LRP8: variants seen among roughly 807,000 people sequenced by gnomAD.
LRP8 encodes low-density lipoprotein receptor-related protein 8.
LRP8 carries 46 observed loss-of-function variants against 111.6 expected under a neutral mutation model. The ratio of observed to expected loss-of-function variants is 0.41; its 90% CI spans 0.33 to 0.53. The LOEUF (loss-of-function observed/expected upper bound fraction) is 0.53, where lower values mean the gene tolerates loss of function less well. Ranked by LOEUF, LRP8 falls within the 20% of genes least tolerant of loss-of-function variation. LRP8 has a pLI of 0.20. For synonymous variants in LRP8, 464 were observed against 511.2 expected (o/e 0.91, Z 1.24); for missense variants, 959 against 1,297.4 (o/e 0.74, Z 4.01).
chr1:53,326,815 G>T, intron 2 of LRP8, 58 bp downstream of exon 2: 1 of 1,559,886 alleles, frequency 6.4e-7, no homozygotes, highest in Non-Finnish European at 8.7e-7. Context: ...GCCAAGCATG[G>T]TGCCCCCCAC....
intron 3 of LRP8, among the ~76,000 whole-genome samples, chr1:53,285,436 T>C (rs892359897): frequency 6.6e-6 from 1 of 152,192 alleles, no homozygotes; most frequent in African/African-American, 2.4e-5. Flanking sequence ...GCCTGGGTTT[T>C]AGAGTCAGAC....
At position 53,250,367 on chromosome 1, in the gene LRP8, G is replaced by A. The variant is rs1465222594; in HGVS notation, c.2676+323C>T. On this transcript the variant is annotated intron_variant, in intron 17 of 18. Coordinates refer to ENST00000306052, the MANE Select transcript of LRP8 (RefSeq NM_004631.5). The surrounding 1 kb of genome is among the most constrained non-coding windows in gnomAD (Gnocchi z 4.6). ...AGGAAGAGCCTCTAGGTACAAGGTG[G>A]TCCTGATACCTTTTTACCTTAACCA... Among the ~76,000 whole-genome samples, 1 of 152,174 alleles carries A rather than the reference G, an allele frequency of 6.6e-6. No homozygotes were observed. Among genetic ancestry groups the A allele is most frequent in the East Asian group, 1.9e-4 (1 of 5,190 alleles).
chr1:53,242,855 A>ATG lies in LRP8; in HGVS notation c.*4162_*4163insCA, dbSNP rs1572401985. The ATG allele has an allele frequency of 9.7e-5, 13 of 133,684 alleles. No individual in the cohort carries two copies. The East Asian group carries it at 3.1e-3, about 32-fold the overall frequency. The allele number at this position is 133,684 out of a possible 1,614,324, so 8.3% of individuals were successfully genotyped here. A position where few individuals can be genotyped will look rare whatever the true frequency, so the allele number is the denominator to read the frequency against. ...GCTTTAAATATATATATATATATAT[A>ATG]TATACACACACACACACGTGGCTTT... On this transcript the variant is annotated 3_prime_UTR_variant, in exon 19 of 19. Transcript: ENST00000306052.
In LRP8 at chr1:53,317,051, C is replaced by A. The variant is rs1653903777; in HGVS notation, c.244+9822G>T. On this transcript the variant is annotated intron_variant, in intron 2 of 18. Transcript: ENST00000306052. This position sits in a 1 kb window ranked among gnomAD's most constrained non-coding sequence, Gnocchi z 4.9. ...TCACCTCCCTCCTGGTACACAGCCC[C>A]TCCTCTGAAGCACACACCCCAAGCA... is the stretch of plus-strand genomic sequence containing the variant. 6.6e-6 allele frequency among the ~76,000 whole-genome samples: 1 copy of A among 152,142 alleles called. No homozygotes were observed. Among genetic ancestry groups the A allele is most frequent in the Admixed American group, 6.5e-5 (1 of 15,282 alleles).
At chr1:53,248,847 G>C (rs1645805754) in intron 18 of LRP8, among the ~76,000 whole-genome samples, 1 of 152,214 alleles carries the variant, frequency 6.6e-6, no homozygotes, top group Non-Finnish European at 1.5e-5. Context: ...AAGTCACAAA[G>C]TGCTCTCACA....
Position 53,327,955 on chromosome 1 carries a change from G to A in LRP8, c.-43C>T. ...GGCCGCCGCGCCCCGCGCTCCCCGC[G>A]CCGCCGCCGCCGCGTCTCAGCCCTC... On this transcript the variant is annotated 5_prime_UTR_variant, in exon 1 of 19. Coordinates refer to ENST00000306052, the MANE Select transcript of LRP8 (RefSeq NM_004631.5). The A allele has an allele frequency of 9.6e-7, 1 of 1,041,568 alleles. No individual in the cohort carries two copies. Among genetic ancestry groups the A allele is most frequent in the Non-Finnish European group, 1.2e-6 (1 of 863,568 alleles). The allele number at this position is 1,041,568 out of a possible 1,614,324, so 64.5% of individuals were successfully genotyped here.
chr1:53,267,905 C>T (rs1258061523), intron 8 of LRP8: 1 of 152,304 alleles, frequency 6.6e-6, no homozygotes, highest in Non-Finnish European at 1.5e-5. Flanking sequence ...CTCCCTGTGC[C>T]TCCTTCTCTT....
rs545156077 is a variant in LRP8 at position 53,317,573 on chromosome 1, T to C, written c.244+9300A>G. On this transcript the variant is annotated intron_variant, in intron 2 of 18. Transcript: ENST00000306052. The surrounding 1 kb of genome is among the most constrained non-coding windows in gnomAD (Gnocchi z 4.9). Reference sequence around the variant, plus strand: ...TGCTGCTGCCCTCTTGTTGTGTCCTTGGTGGAGGAGGAGGAAAGCTGAGGA... The same window carrying C: ...TGCTGCTGCCCTCTTGTTGTGTCCTCGGTGGAGGAGGAGGAAAGCTGAGGA... Among the ~76,000 whole-genome samples, 3 of 152,314 alleles carry C rather than the reference T, an allele frequency of 2.0e-5. No homozygotes were observed. The South Asian group carries it at 6.2e-4, about 32-fold the overall frequency.
chr1:53,306,995 C>T (rs1432735988), intron 2 of LRP8, among the ~76,000 whole-genome samples: 1 of 152,218 alleles, frequency 6.6e-6, no homozygotes, highest in Non-Finnish European at 1.5e-5. Flanking sequence ...GCCCAGCATT[C>T]TCCAGCAGCC....
chr1:53,264,175 A>G lies in LRP8; in HGVS notation c.1649T>C (p.Leu550Pro). The G allele has an allele frequency of 6.2e-7, 1 of 1,614,024 alleles. No homozygotes were observed. The highest frequency in any genetic ancestry group is 8.5e-7 in the Non-Finnish European group (1 of 1,179,946). ...SEPRAIAVDP[L>P]RGFMYWSDWG... ...GTTCAGTTGGGACACTCACCCTCGCAGGGGGTCAACAGCGATGGCCCGGGG... is the reference window on the plus strand; with the variant it reads ...GTTCAGTTGGGACACTCACCCTCGCGGGGGGTCAACAGCGATGGCCCGGGG... The change falls in exon 10 of 19, where the codon CTG becomes CCG. Residue 550 changes from leucine to proline, a missense_variant. Transcript: ENST00000306052.
At chr1:53,277,762 T>TG (rs1183621594) in intron 4 of LRP8, among the ~76,000 whole-genome samples, 1 of 152,192 alleles carries the variant, frequency 6.6e-6, no homozygotes, top group Non-Finnish European at 1.5e-5. Flanking sequence ...TTTCCCCGCT[T>TG]GGGAAATCTC....
chr1:53,285,946 A>C (rs1421748905), intron 3 of LRP8, among the ~76,000 whole-genome samples: 1 of 152,234 alleles, frequency 6.6e-6, no homozygotes, highest in East Asian at 1.9e-4. Flanking sequence ...CACGGCATTT[A>C]AAGGCATTTA....
Position 53,264,362 on chromosome 1 carries a change from G to C in LRP8, c.1462C>G (p.Gln488Glu). Residue 488 changes from glutamine (Q) to glutamate (E), a missense_variant, in exon 10 of 19, where the codon CAG (glutamine) becomes GAG (glutamate). Physicochemically the swap from Gln to Glu is conservative, Grantham distance 29 (BLOSUM62 2). Transcript: ENST00000306052. ...AACTGCTCGTCAATGAGGACCTCCTGCTCTTTCGGGTCACTGGCCTTGTCC... is the reference window on the plus strand; with the variant it reads ...AACTGCTCGTCAATGAGGACCTCCTCCTCTTTCGGGTCACTGGCCTTGTCC... The part of the protein sequence containing the change: ...YMDKASDPKE[Q>E]EVLIDEQLHS... 6.2e-7 allele frequency: 1 copy of C among 1,614,020 alleles called. No homozygotes were observed. The highest frequency in any genetic ancestry group is 8.5e-7 in the Non-Finnish European group (1 of 1,179,948).
At chr1:53,276,506 C>T (rs948873669) in intron 5 of LRP8, among the ~76,000 whole-genome samples, 186 bp downstream of exon 5, 1 of 152,114 alleles carries the variant, frequency 6.6e-6, no homozygotes, top group African/African-American at 2.4e-5. Context: ...ACCTGAGCTC[C>T]GCAGCCCGGC....
rs192579140 is a variant in LRP8, at chr1:53,279,932, C to A, written c.496+655G>T. Among the ~76,000 whole-genome samples the A allele has an allele frequency of 2.6e-5, 4 of 152,372 alleles. No individual in the cohort carries two copies. In the East Asian group the frequency reaches 7.7e-4, roughly 29 times the overall value. The stretch of plus-strand genomic sequence containing the variant: ...GAGGCCTGGCCATGCTCCCCAATGG[C>A]CCAGGCCCTGCTGGCCTGCTCCCTG... On this transcript the variant is annotated intron_variant, in intron 4 of 18. Transcript: ENST00000306052. The surrounding 1 kb of genome is among the most constrained non-coding windows in gnomAD (Gnocchi z 4.4).
chr1:53,247,877 G>A (rs11206127), intron 18 of LRP8, among the ~76,000 whole-genome samples: 58,479 of 152,004 alleles, frequency 0.38, 12,003 homozygotes, highest in East Asian at 0.7. Context: ...ACTTTCCCCA[G>A]CTAGTCCTGA....
rs1646882498 is a variant in LRP8 at position 53,275,277 on chromosome 1, G to C, written c.1006+354C>G. Among the ~76,000 whole-genome samples, 2 of 152,180 alleles carry C rather than the reference G, an allele frequency of 1.3e-5. No individual in the cohort carries two copies. Among genetic ancestry groups the C allele is most frequent in the African/African-American group, 2.4e-5 (1 of 41,434 alleles). On this transcript the variant is annotated intron_variant, in intron 6 of 18. Transcript: ENST00000306052. This position sits in a 1 kb window ranked among gnomAD's most constrained non-coding sequence, Gnocchi z 4.4. Reference sequence around the variant, plus strand: ...GGTGGTGACCAGAAGAACCATCTGAGAACTAAAGGGGCTCCCTGGGGAGCA... The same window carrying C: ...GGTGGTGACCAGAAGAACCATCTGACAACTAAAGGGGCTCCCTGGGGAGCA...
chr1:53,323,202 G>A (rs1288523), intron 2 of LRP8, among the ~76,000 whole-genome samples: 64,936 of 151,944 alleles, frequency 0.43, 15,372 homozygotes, highest in African/African-American at 0.64. Flanking sequence ...CTGGTCACCC[G>A]CATTCACACC....
rs543393346 is a variant in LRP8 at position 53,303,420 on chromosome 1, C to T, written c.245-13731G>A. Among the ~76,000 whole-genome samples the T allele has an allele frequency of 6.6e-6, 1 of 152,336 alleles. No homozygotes were observed. The highest frequency in any genetic ancestry group is 6.5e-5 in the Admixed American group (1 of 15,296). ...TGGATTTCATACATGAGAAAAGGGG[C>T]CACAGCAGCCTCGCGCTCCCATGGC... On this transcript the variant is annotated intron_variant, in intron 2 of 18. Coordinates refer to ENST00000306052, the MANE Select transcript of LRP8 (RefSeq NM_004631.5). This position sits in a 1 kb window ranked among gnomAD's most constrained non-coding sequence, Gnocchi z 4.3.
Sources: allele counts gnomAD v4.1 joint callset (sites outside exome capture counted in the v4.1 genomes callset), GRCh38; gene constraint gnomAD v4.1.1; non-coding constraint Gnocchi (gnomAD v3.1); transcripts MANE v1.5; gene names NCBI Gene and HGNC (gene_info 2026-07-23, HGNC 2026-07-21).